Variants in CHKA observed in about 807,000 individuals in gnomAD.
CHKA encodes the protein choline kinase alpha.
In CHKA, 34 loss-of-function variants were observed where a neutral mutation model predicts 60.1. The observed-to-expected ratio is 0.57, with a 90% CI of 0.43 to 0.75. CHKA has a LOEUF of 0.75. CHKA is among the 30% of genes least tolerant of loss of function. The probability of loss-of-function intolerance (pLI) is 0.00; values close to 1 mark genes in which losing one functional copy is unlikely to be tolerated. For synonymous variants in CHKA, 217 were observed against 223.1 expected, an observed-to-expected ratio of 0.97 and a Z score of 0.24; for missense variants, 563 against 561.3, an observed-to-expected ratio of 1.00 and a Z score of -0.03.
chr11:68,111,883 G>A (rs775619939), intron 1 of CHKA, among the ~76,000 whole-genome samples: 4 of 151,420 alleles, frequency 2.6e-5, no homozygotes, highest in Non-Finnish European at 5.9e-5. Flanking sequence ...AAGAAACCCC[G>A]TCTCTACTAA....
In CHKA at chr11:68,070,225, A is replaced by G; in HGVS notation, c.833T>C (p.Leu278Pro). ...CAGTTCCAAGGGCAGATTGTAACTG[A>G]GCAATTTGTGGAGCTTTTTAATTCT... The part of the protein sequence containing the change: ...ESRIKKLHKL[L>P]SYNLPLELEN... Residue 278 changes from leucine to proline, a missense_variant, in exon 6 of 12, where the codon CTC becomes CCC. Transcript: ENST00000265689. 2 of 1,614,118 alleles carry G rather than the reference A, an allele frequency of 1.2e-6. No homozygotes were observed. Among genetic ancestry groups the G allele is most frequent in the South Asian group, 1.1e-5 (1 of 91,074 alleles).
chr11:68,101,170 G>T (rs970501916), intron 1 of CHKA, among the ~76,000 whole-genome samples: 1 of 151,686 alleles, frequency 6.6e-6, no homozygotes, highest in Non-Finnish European at 1.5e-5. Flanking sequence ...GGATGGTCTC[G>T]ATCTCCTGAC....
chr11:68,061,172 T>C (rs1856233288), intron 11 of CHKA, among the ~76,000 whole-genome samples: 1 of 149,458 alleles, frequency 6.7e-6, no homozygotes, highest in South Asian at 2.1e-4. Flanking sequence ...AGTGGCATGA[T>C]TTCAGCTCAC....
chr11:68,073,369 C>G (rs1309983843), intron 4 of CHKA, among the ~76,000 whole-genome samples: 1 of 152,100 alleles, frequency 6.6e-6, no homozygotes, highest in African/African-American at 2.4e-5. Flanking sequence ...AACTTATCAT[C>G]TCGGCCGGGC....
intron 2 of CHKA, among the ~76,000 whole-genome samples, chr11:68,085,232 A>T (rs1857142954): frequency 6.6e-6 from 1 of 152,148 alleles, no homozygotes. Flanking sequence ...AACTTTAAAA[A>T]AAAAATTTGG....
intron 2 of CHKA, among the ~76,000 whole-genome samples, chr11:68,090,334 GAGTGAACAGA>G (rs570620044): frequency 1.5e-3 from 224 of 152,294 alleles, no homozygotes; most frequent in African/African-American, 5.0e-3. Flanking sequence ...TTTTAAAGCA[GAGTGAACAGA>G]ACAACTTAAA....
At chr11:68,075,324 A>C (rs1367487806) in intron 3 of CHKA, among the ~76,000 whole-genome samples, 1 of 152,028 alleles carries the variant, frequency 6.6e-6, no homozygotes, top group Non-Finnish European at 1.5e-5. Context: ...ATTTAGGTCC[A>C]GGGTCTACGG....
At chr11:68,116,399 G>C (rs892602079) in intron 1 of CHKA, among the ~76,000 whole-genome samples, 1 of 151,878 alleles carries the variant, frequency 6.6e-6, no homozygotes, top group Non-Finnish European at 1.5e-5. Flanking sequence ...GTAAAACCCC[G>C]TGGCTACCAA....
At chr11:68,111,914 G>A (rs1024245644) in intron 1 of CHKA, among the ~76,000 whole-genome samples, 7 of 150,580 alleles carry the variant, frequency 4.6e-5, no homozygotes, top group Admixed American at 2.0e-4. Flanking sequence ...TTAGCCAGGC[G>A]TGGTGACGCA....
At chr11:68,115,966 C>G (rs1009607567) in intron 1 of CHKA, among the ~76,000 whole-genome samples, 1 of 152,126 alleles carries the variant, frequency 6.6e-6, no homozygotes, top group Non-Finnish European at 1.5e-5. Context: ...ATTATGATGG[C>G]ACCATAAGAC....
Position 68,070,631 on chromosome 11 carries a change from T to C in CHKA, c.764+93A>G, listed in dbSNP as rs1168406891. On this transcript the variant is annotated intron_variant, in intron 5 of 11. Coordinates refer to ENST00000265689, the MANE Select transcript of CHKA (RefSeq NM_001277.3). ...TGCACTTCAGTGAACTAGGAAGACC[T>C]CTGACTACTGTGGCAAACAAATGCT... 2.9e-6 allele frequency: 4 copies of C among 1,382,534 alleles called. No homozygotes were observed. In the African/African-American group the frequency reaches 5.8e-5, roughly 20 times the overall value. 85.6% of individuals were successfully genotyped at this position (1,382,534 alleles called of 1,614,324 possible).
At chr11:68,077,937 A>C (rs186848416) in intron 3 of CHKA, among the ~76,000 whole-genome samples, 1 of 152,322 alleles carries the variant, frequency 6.6e-6, no homozygotes, top group East Asian at 1.9e-4. Context: ...AGGACAATCA[A>C]GGAAAAGGAA....
chr11:68,120,798 C>T (rs1295293731), intron 1 of CHKA, 30 bp downstream of exon 1: 2 of 1,127,964 alleles, frequency 1.8e-6, no homozygotes, highest in South Asian at 2.5e-5. Flanking sequence ...ACCTGACTGT[C>T]CCGCGGCCCC....
intron 4 of CHKA, among the ~76,000 whole-genome samples, chr11:68,073,353 T>C (rs1216180832): frequency 6.6e-6 from 1 of 152,158 alleles, no homozygotes; most frequent in Admixed American, 6.5e-5. Flanking sequence ...ACAAAATTCT[T>C]TCAAAAACTT....
At chr11:68,063,153 CT>C (rs1856309837) in intron 10 of CHKA, among the ~76,000 whole-genome samples, 1 of 152,122 alleles carries the variant, frequency 6.6e-6, no homozygotes, top group South Asian at 2.1e-4. Flanking sequence ...CTAGGAGAAA[CT>C]TAAGAGTTAA....
intron 2 of CHKA, among the ~76,000 whole-genome samples, chr11:68,086,129 A>G (rs999581884): frequency 6.6e-6 from 1 of 152,142 alleles, no homozygotes; most frequent in Non-Finnish European, 1.5e-5. Flanking sequence ...CCTTGCCAAC[A>G]TGGTGAAACC....
intron 11 of CHKA, among the ~76,000 whole-genome samples, chr11:68,060,379 G>A (rs1220840360): frequency 2.0e-5 from 3 of 151,040 alleles, no homozygotes; most frequent in Non-Finnish European, 2.9e-5. Flanking sequence ...GCGCCATCTC[G>A]GCTCACTGCA....
chr11:68,055,330 C>T (rs1201095659), intron 11 of CHKA, among the ~76,000 whole-genome samples: 2 of 152,136 alleles, frequency 1.3e-5, no homozygotes, highest in Non-Finnish European at 2.9e-5. Context: ...GCGGAGGTTG[C>T]AGTGAGCCAA....
chr11:68,104,615 G>T (rs867196894), intron 1 of CHKA, among the ~76,000 whole-genome samples: 10 of 151,774 alleles, frequency 6.6e-5, no homozygotes, highest in Non-Finnish European at 1.5e-4. Context: ...TACAGATAGG[G>T]TTGCACCATG....
Sources: allele counts gnomAD v4.1 joint callset (sites outside exome capture counted in the v4.1 genomes callset), GRCh38; gene constraint gnomAD v4.1.1; transcripts MANE v1.5; gene names NCBI Gene and HGNC (gene_info 2026-07-23, HGNC 2026-07-21).